Variants in ST7 observed in about 807,000 individuals in gnomAD.
ST7 encodes suppression of tumorigenicity 7, also known as suppressor of tumorigenicity 7 protein.
A neutral mutation model predicts 78.7 loss-of-function variants in ST7; 28 were observed. The observed-to-expected ratio is 0.36, with a 90% CI of 0.26 to 0.49. The LOEUF (loss-of-function observed/expected upper bound fraction) is 0.49. ST7 is among the 20% of genes least tolerant of loss of function. The pLI is 0.99. For missense variants in ST7, 418 were observed against 696.0 expected, an observed-to-expected ratio of 0.60 and a Z score of 4.49; for synonymous variants, 247 against 249.6, an observed-to-expected ratio of 0.99 and a Z score of 0.10.
chr7:117,050,168 T>C (rs1029151984), intron 1 of ST7, among the ~76,000 whole-genome samples: 2 of 151,026 alleles, frequency 1.3e-5, no homozygotes, highest in African/African-American at 2.4e-5. Flanking sequence ...TGAGCTGAGA[T>C]TGCACCACTG....
chr7:117,092,592 A>T (rs1375471504), intron 1 of ST7, among the ~76,000 whole-genome samples: 2 of 152,198 alleles, frequency 1.3e-5, no homozygotes, highest in Non-Finnish European at 2.9e-5. Flanking sequence ...GAGAGAAGTT[A>T]GTAAGGTTGA....
chr7:117,090,292 C>A (rs935468251), intron 1 of ST7, among the ~76,000 whole-genome samples: 4 of 151,944 alleles, frequency 2.6e-5, no homozygotes, highest in African/African-American at 9.7e-5. Flanking sequence ...AAAGTCCCAG[C>A]CATCAAAGAC....
intron 9 of ST7, among the ~76,000 whole-genome samples, chr7:117,168,773 A>G (rs1466747647): frequency 6.6e-6 from 1 of 152,218 alleles, no homozygotes; most frequent in African/African-American, 2.4e-5. Flanking sequence ...GTAAATGATT[A>G]TTGGCTTTAA....
chr7:116,966,185 C>T (rs957056601), intron 1 of ST7: 1 of 350,130 alleles, frequency 2.9e-6, no homozygotes, highest in Non-Finnish European at 5.9e-6. Context: ...TAGTGGATTA[C>T]ACTTATTTGT....
intron 12 of ST7, among the ~76,000 whole-genome samples, chr7:117,197,165 G>T (rs936956234): frequency 1.3e-5 from 2 of 152,052 alleles, no homozygotes; most frequent in Non-Finnish European, 2.9e-5. Context: ...CTCTAGAGTA[G>T]CTGGGACTAT....
chr7:117,153,157 C>T (rs1327539188), intron 9 of ST7, among the ~76,000 whole-genome samples: 1 of 152,084 alleles, frequency 6.6e-6, no homozygotes, highest in Non-Finnish European at 1.5e-5. Context: ...TCATAGATAA[C>T]GTCTGGATTT....
chr7:117,175,585 C>G (rs1808288478), intron 10 of ST7, among the ~76,000 whole-genome samples: 1 of 152,138 alleles, frequency 6.6e-6, no homozygotes, highest in South Asian at 2.1e-4. Context: ...CCAGCTCTGC[C>G]TTTCACCAAC....
At chr7:117,010,626 C>T (rs1795347932) in intron 1 of ST7, among the ~76,000 whole-genome samples, 1 of 152,158 alleles carries the variant, frequency 6.6e-6, no homozygotes, top group South Asian at 2.1e-4. Context: ...TGACTTAGCT[C>T]TCACATGTTG....
chr7:117,104,826 A>T (rs1322877556), intron 2 of ST7, among the ~76,000 whole-genome samples: 1 of 152,220 alleles, frequency 6.6e-6, no homozygotes, highest in Non-Finnish European at 1.5e-5. Flanking sequence ...TTAACTGACA[A>T]ATGGCAGATT....
At chr7:117,021,265 G>A (rs1007148460) in intron 1 of ST7, among the ~76,000 whole-genome samples, 1 of 152,088 alleles carries the variant, frequency 6.6e-6, no homozygotes, top group Non-Finnish European at 1.5e-5. Context: ...CTGCACAATG[G>A]GCTAGGCAGG....
At chr7:116,997,872 C>T (rs1454146881) in intron 1 of ST7, among the ~76,000 whole-genome samples, 1 of 152,242 alleles carries the variant, frequency 6.6e-6, no homozygotes, top group Non-Finnish European at 1.5e-5. Flanking sequence ...ATCTACAATC[C>T]CTTAGCTAGA....
chr7:117,066,968 T>C (rs1017211445), intron 1 of ST7, among the ~76,000 whole-genome samples: 2 of 152,164 alleles, frequency 1.3e-5, no homozygotes, highest in South Asian at 2.1e-4. Context: ...ATTTGCTTAG[T>C]CTAGAAATTT....
In ST7 at chr7:117,076,368, T is replaced by G. The variant is rs549637253; in HGVS notation, c.152-23394T>G. ...GCTGATCAGGATACCAATTTACAAA[T>G]TAGCCAATCCAATATATGTGTATGT... On this transcript the variant is annotated intron_variant, in intron 1 of 15. Coordinates refer to ENST00000323984, the MANE Select transcript of ST7 (RefSeq NM_001369598.1). 2.4e-4 allele frequency among the ~76,000 whole-genome samples: 36 copies of G among 152,376 alleles called. No homozygotes were observed. The South Asian group carries it at 7.2e-3, about 31-fold the overall frequency.
At chr7:117,022,663 A>G (rs1563018210) in intron 1 of ST7, among the ~76,000 whole-genome samples, 1 of 152,200 alleles carries the variant, frequency 6.6e-6, no homozygotes, top group Non-Finnish European at 1.5e-5. Flanking sequence ...TTACTAAATT[A>G]TCGTAAGAAA....
chr7:117,013,550 G>T (rs1795469812), intron 1 of ST7, among the ~76,000 whole-genome samples: 1 of 152,328 alleles, frequency 6.6e-6, no homozygotes, highest in Admixed American at 6.5e-5. Context: ...GGAGATGGCT[G>T]GGCGAGGTGG....
intron 8 of ST7, among the ~76,000 whole-genome samples, chr7:117,138,090 C>T (rs796133745): frequency 6.6e-5 from 10 of 152,222 alleles, no homozygotes; most frequent in African/African-American, 2.4e-4. Context: ...CAGGATGTAA[C>T]CTGAGATTCA....
intron 1 of ST7, among the ~76,000 whole-genome samples, chr7:116,988,196 A>G (rs1314561179): frequency 1.3e-5 from 2 of 152,122 alleles, no homozygotes; most frequent in African/African-American, 4.8e-5. Context: ...GAGGCCTCCT[A>G]TTTTCCTGAA....
intron 1 of ST7, among the ~76,000 whole-genome samples, chr7:117,035,127 T>G (rs959883191): frequency 1.3e-4 from 20 of 151,756 alleles, no homozygotes; most frequent in African/African-American, 4.1e-4. Context: ...CAGTTTTTTT[T>G]TTTTTTTTTT....
At chr7:117,144,940 T>C (rs981638103) in intron 9 of ST7, among the ~76,000 whole-genome samples, 2 of 152,204 alleles carry the variant, frequency 1.3e-5, no homozygotes, top group African/African-American at 4.8e-5. Context: ...GGCTCACGCC[T>C]GTAATCCCAG....
Sources: allele counts gnomAD v4.1 joint callset (sites outside exome capture counted in the v4.1 genomes callset), GRCh38; gene constraint gnomAD v4.1.1; transcripts MANE v1.5; gene names NCBI Gene and HGNC (gene_info 2026-07-23, HGNC 2026-07-21).